The following KDM4C variants were observed in gnomAD, a reference collection of about 807,000 sequenced individuals.
KDM4C encodes the protein lysine-specific demethylase 4C.
Under a neutral mutation model 129.3 loss-of-function variants are expected in KDM4C, and 81 were observed. That is an observed-to-expected ratio of 0.63 (90% CI 0.52 to 0.75). KDM4C has a LOEUF of 0.75. KDM4C is among the 30% of genes least tolerant of loss of function. The pLI, the probability that KDM4C is intolerant of heterozygous loss-of-function variation, is 0.00. For missense variants in KDM4C, 1,457 were observed against 1,304.0 expected, an observed-to-expected ratio of 1.12 and a Z score of -1.81; for synonymous variants, 573 against 456.1, an observed-to-expected ratio of 1.26 and a Z score of -3.26.
intron 15 of KDM4C, among the ~76,000 whole-genome samples, chr9:7,028,241 C>T (rs947500896): frequency 2.6e-5 from 4 of 151,954 alleles, no homozygotes; most frequent in South Asian, 2.1e-4. Context: ...CCAAGGCTCA[C>T]GGGGTACCAT....
At chr9:7,123,983 G>A (rs1839775128) in intron 18 of KDM4C, among the ~76,000 whole-genome samples, 1 of 152,186 alleles carries the variant, frequency 6.6e-6, no homozygotes, top group African/African-American at 2.4e-5. Context: ...GAAGGTCTCA[G>A]TATGTTCTTC....
At chr9:7,074,367 A>G (rs1833621137) in intron 17 of KDM4C, among the ~76,000 whole-genome samples, 1 of 152,122 alleles carries the variant, frequency 6.6e-6, no homozygotes, top group African/African-American at 2.4e-5. Flanking sequence ...AGGTTTCACC[A>G]TGTTGGCCAG....
At chr9:7,128,494 T>C (rs567566003) in intron 19 of KDM4C, among the ~76,000 whole-genome samples, 25 of 152,324 alleles carry the variant, frequency 1.6e-4, no homozygotes, top group Admixed American at 9.1e-4. Flanking sequence ...CACCTGTTAA[T>C]ACTATCACAT....
intron 4 of KDM4C, among the ~76,000 whole-genome samples, chr9:6,824,020 G>T (rs1406603921): frequency 1.3e-5 from 2 of 152,196 alleles, no homozygotes; most frequent in Admixed American, 1.3e-4. Flanking sequence ...AAACATCTGA[G>T]ATACAACTTA....
chr9:7,049,884 TC>T (rs1311400123), intron 17 of KDM4C, among the ~76,000 whole-genome samples: 1 of 152,118 alleles, frequency 6.6e-6, no homozygotes, highest in African/African-American at 2.4e-5. Flanking sequence ...ATTAGAACTT[TC>T]CCCAAAGTTC....
rs556305235 is a variant in KDM4C at position 6,820,397 on chromosome 9, G to C, written c.435+5652G>C. 2.9e-4 allele frequency among the ~76,000 whole-genome samples: 44 copies of C among 152,206 alleles called. 1 individual carries two copies. Among genetic ancestry groups the C allele is most frequent in the African/African-American group, 1.0e-3 (42 of 41,522 alleles). ...CTGAGCAGGAGCATAGGAGGGTGAG[G>C]AAAAACTCGAATAGCAGCTGTGGGA... On this transcript the variant is annotated intron_variant, in intron 4 of 21. Transcript: ENST00000381309.
At chr9:7,129,639 C>G (rs1313058634) in intron 19 of KDM4C, among the ~76,000 whole-genome samples, 2 of 152,170 alleles carry the variant, frequency 1.3e-5, no homozygotes, top group Non-Finnish European at 2.9e-5. Context: ...CTTGCTCAGT[C>G]TTGGTGGGAG....
At chr9:6,790,618 C>T (rs944487444) in intron 1 of KDM4C, among the ~76,000 whole-genome samples, 4 of 127,224 alleles carry the variant, frequency 3.1e-5, no homozygotes, top group Non-Finnish European at 6.2e-5. Context: ...CCCCATCCCT[C>T]ATTTCTAATT....
intron 17 of KDM4C, among the ~76,000 whole-genome samples, chr9:7,100,368 C>T (rs1394154135): frequency 6.6e-6 from 1 of 151,976 alleles, no homozygotes; most frequent in African/African-American, 2.4e-5. Context: ...GAGACAGAGT[C>T]TCACTCTGTT....
At position 6,769,176 on chromosome 9, in the gene KDM4C, G is replaced by A. The variant is rs114239822; in HGVS notation, c.-18+10973G>A. On this transcript the variant is annotated intron_variant, in intron 1 of 21. Coordinates refer to ENST00000381309, the MANE Select transcript of KDM4C (RefSeq NM_015061.6). ...TTTTAAGTTTTGTTACTCATTTTAG[G>A]CTTCTTAAGAAAGGATTTCTAAGCT... Among the ~76,000 whole-genome samples the A allele has an allele frequency of 5.9e-3, 888 of 151,692 alleles. 5 individuals are homozygous for A. Among genetic ancestry groups the A allele is most frequent in the African/African-American group, 0.019 (792 of 41,376 alleles).
intron 5 of KDM4C, among the ~76,000 whole-genome samples, chr9:6,870,657 A>C (rs1842703090): frequency 6.6e-6 from 1 of 152,052 alleles, no homozygotes; most frequent in Admixed American, 6.6e-5. Context: ...TCAGGCATAC[A>C]AGCTTATGCG....
Position 6,957,136 on chromosome 9 carries a change from A to C in KDM4C, c.922-23789A>C, listed in dbSNP as rs369843876. 5.9e-5 allele frequency among the ~76,000 whole-genome samples: 9 copies of C among 152,328 alleles called. No homozygotes were observed. The East Asian group carries it at 1.2e-3, about 20-fold the overall frequency. On this transcript the variant is annotated intron_variant, in intron 8 of 21. Coordinates refer to ENST00000381309, the MANE Select transcript of KDM4C (RefSeq NM_015061.6). ...CAAGCTGCATTATCTAGAGGTAGAA[A>C]ATAATGACTCTGGCATAAGCTGTTT...
In KDM4C at chr9:6,871,868, A is replaced by G. The variant is rs535543418; in HGVS notation, c.630-8144A>G. Among the ~76,000 whole-genome samples the G allele has an allele frequency of 3.9e-5, 6 of 152,346 alleles. No homozygotes were observed. The South Asian group carries it at 1.2e-3, about 32-fold the overall frequency. ...CTCAAGACCTATCAAGACAAAAATG[A>G]TGTGTGCACATTGAGCAGCATCTTG... is the stretch of plus-strand genomic sequence containing the variant. On this transcript the variant is annotated intron_variant, in intron 5 of 21. Transcript: ENST00000381309.
At chr9:6,728,276 C>T (rs62566464) in intron 1 of KDM4C, among the ~76,000 whole-genome samples, 13,080 of 152,180 alleles carry the variant, frequency 0.086, 729 homozygotes, top group Non-Finnish European at 0.12. Flanking sequence ...TGGCTCACGC[C>T]TGTAATCCCA....
At chr9:6,799,638 TTTTC>T (rs1315900140) in intron 2 of KDM4C, among the ~76,000 whole-genome samples, 1 of 142,374 alleles carries the variant, frequency 7.0e-6, no homozygotes, top group African/African-American at 2.8e-5. Context: ...CTCTTTTTTC[TTTTC>T]TTTTTTTTTT....
intron 19 of KDM4C, among the ~76,000 whole-genome samples, chr9:7,143,628 C>T (rs1841966105): frequency 6.6e-6 from 1 of 152,158 alleles, no homozygotes; most frequent in Non-Finnish European, 1.5e-5. Flanking sequence ...TTTCATTCTC[C>T]TTGCCTGGGA....
At chr9:6,871,262 C>A (rs534488610) in intron 5 of KDM4C, among the ~76,000 whole-genome samples, 1 of 152,184 alleles carries the variant, frequency 6.6e-6, no homozygotes, top group Non-Finnish European at 1.5e-5. Context: ...GATTTACTTA[C>A]TATTATTGTG....
intron 15 of KDM4C, among the ~76,000 whole-genome samples, chr9:7,045,998 A>C (rs1829333772): frequency 6.6e-6 from 1 of 151,906 alleles, no homozygotes; most frequent in African/African-American, 2.4e-5. Flanking sequence ...GGAGGAAAAA[A>C]CTCCAAATAA....
At chr9:6,993,401 G>A (rs1819104819) in intron 12 of KDM4C, among the ~76,000 whole-genome samples, 1 of 152,134 alleles carries the variant, frequency 6.6e-6, no homozygotes, top group African/African-American at 2.4e-5. Flanking sequence ...TGGATAAGGT[G>A]ACTGAAACTT....
Sources: allele counts gnomAD v4.1 joint callset (sites outside exome capture counted in the v4.1 genomes callset), GRCh38; gene constraint gnomAD v4.1.1; transcripts MANE v1.5; gene names NCBI Gene and HGNC (gene_info 2026-07-23, HGNC 2026-07-21).